Variants in RTRAF observed in about 807,000 individuals in gnomAD.
RTRAF encodes tRNA-splicing ligase complex subunit RTRAF.
Under a neutral mutation model 34.4 loss-of-function variants are expected in RTRAF, and 14 were observed. The observed-to-expected ratio is 0.41, with a 90% CI of 0.27 to 0.64. The LOEUF (loss-of-function observed/expected upper bound fraction) is 0.64. Among genes scored for constraint, RTRAF ranks in the 30% least tolerant of loss-of-function variants. RTRAF has a pLI of 0.34. For synonymous variants in RTRAF, 96 were observed against 95.3 expected (o/e 1.01, Z -0.04); for missense variants, 291 against 288.4 (o/e 1.01, Z -0.06).
chr14:52,001,023 T>C (rs995338181), intron 5 of RTRAF, among the ~76,000 whole-genome samples: 3 of 152,226 alleles, frequency 2.0e-5, no homozygotes, highest in Non-Finnish European at 4.4e-5. Context: ...AACATCTTAG[T>C]ACGTTTGCCA....
intron 2 of RTRAF, among the ~76,000 whole-genome samples, chr14:51,991,776 G>A (rs1357212678): frequency 6.6e-6 from 1 of 152,160 alleles, no homozygotes; most frequent in Non-Finnish European, 1.5e-5. Context: ...TATATTAAAA[G>A]AAGACATTGG....
intron 3 of RTRAF, among the ~76,000 whole-genome samples, chr14:51,996,138 G>A (rs1293170230): frequency 2.0e-5 from 3 of 152,006 alleles, no homozygotes; most frequent in Non-Finnish European, 4.4e-5. Flanking sequence ...TTCTTTTAGT[G>A]AATAAAAGAA....
Position 51,989,842 on chromosome 14 carries a change from G to C in RTRAF, c.61+142G>C, listed in dbSNP as rs1280146945. 3.0e-5 allele frequency: 22 copies of C among 737,064 alleles called. No individual in the cohort carries two copies. The South Asian group carries it at 3.7e-4, about 12-fold the overall frequency. The allele number at this position is 737,064 out of a possible 1,614,324, so 45.7% of individuals were successfully genotyped here. On this transcript the variant is annotated intron_variant, in intron 1 of 7. Coordinates refer to ENST00000261700, the MANE Select transcript of RTRAF (RefSeq NM_016039.3). ...CCTCCGGGCCCCTCTCCTCTGGGTCGCCACGTACCTCGGCTCTTCGCCGCC... is the reference window on the plus strand; with the variant it reads ...CCTCCGGGCCCCTCTCCTCTGGGTCCCCACGTACCTCGGCTCTTCGCCGCC...
At position 52,006,572 on chromosome 14, in the gene RTRAF, GC is replaced by G; in HGVS notation, c.*2057del. 5.6e-6 allele frequency: 9 copies of G among 1,613,846 alleles called. No homozygotes were observed. Among genetic ancestry groups the G allele is most frequent in the Non-Finnish European group, 7.6e-6 (9 of 1,179,770 alleles). ...CTGTGTGGTAGAAGTGATCTGCATA[GC>G]TTACGATGCTGAAGGGGTACTTGAG... is the stretch of plus-strand genomic sequence containing the variant. On this transcript the variant is annotated 3_prime_UTR_variant, in exon 8 of 8. Coordinates refer to ENST00000261700, the MANE Select transcript of RTRAF (RefSeq NM_016039.3).
Position 51,991,417 on chromosome 14 carries a change from C to T in RTRAF, c.162C>T (p.Ser54=), listed in dbSNP as rs746660717. 19 of 1,612,970 alleles carry T rather than the reference C, an allele frequency of 1.2e-5. No homozygotes were observed. In the Admixed American group the frequency reaches 2.0e-4, roughly 17 times the overall value. The change falls in exon 2 of 8, where the codon AGC becomes AGT. Residue 54 remains serine, a synonymous_variant. Transcript: ENST00000261700. ...DRGNLRNIHS[S]DWPKFFEKYL... is the part of the protein sequence containing the mutation. The stretch of plus-strand genomic sequence containing the variant: ...GGAATTTAAGAAACATCCACAGCAG[C>T]GACTGGCCCAAGTTCTTTGAAAAGG...
intron 2 of RTRAF, among the ~76,000 whole-genome samples, chr14:51,992,320 T>A (rs1450936820): frequency 6.6e-6 from 1 of 152,262 alleles, no homozygotes; most frequent in East Asian, 1.9e-4. Flanking sequence ...GCGAGAGCAG[T>A]GTGATTAGGC....
chr14:51,991,091 C>G (rs1890426960), intron 1 of RTRAF, among the ~76,000 whole-genome samples: 1 of 152,174 alleles, frequency 6.6e-6, no homozygotes, highest in Non-Finnish European at 1.5e-5. Flanking sequence ...GTGATTATCC[C>G]AAGTTCACAC....
Position 52,007,580 on chromosome 14 carries a change from T to C in RTRAF, c.*3064T>C. 1 of 501,746 alleles carries C rather than the reference T, an allele frequency of 2.0e-6. No individual in the cohort carries two copies. Among genetic ancestry groups the C allele is most frequent in the Non-Finnish European group, 3.5e-6 (1 of 285,426 alleles). The allele number at this position is 501,746 out of a possible 1,614,324, so 31.1% of individuals were successfully genotyped here. A position where few individuals can be genotyped will look rare whatever the true frequency, so the allele number is the denominator to read the frequency against. ...TTAAAAATATGCCAGGCACTCATGG[T>C]CAGGCAAGCAGTACAAACTTACTGC... On this transcript the variant is annotated 3_prime_UTR_variant, in exon 8 of 8. Transcript: ENST00000261700.
chr14:51,996,135 A>G (rs1405292628), intron 3 of RTRAF, among the ~76,000 whole-genome samples: 1 of 152,116 alleles, frequency 6.6e-6, no homozygotes, highest in Non-Finnish European at 1.5e-5. Flanking sequence ...ATGTTCTTTT[A>G]GTGAATAAAA....
rs1476285 is a variant in RTRAF at position 52,006,468 on chromosome 14, G to T, written c.*1952G>T. ...GAGTCAAGTCAGGTACTGACTTTTG[G>T]TAAAACAAGTGGTGTGTCCTCTGGA... is the stretch of plus-strand genomic sequence containing the variant. On this transcript the variant is annotated 3_prime_UTR_variant, in exon 8 of 8. Transcript: ENST00000261700. 4.2e-3 allele frequency: 6,674 copies of T among 1,581,012 alleles called. 226 individuals carry two copies. The African/African-American group carries it at 0.079, about 19-fold the overall frequency.
In RTRAF at chr14:52,008,621, T is replaced by G. The variant is rs1223996949; in HGVS notation, c.*4105T>G. The G allele has an allele frequency of 6.6e-6, 1 of 152,230 alleles. No homozygotes were observed. The highest frequency in any genetic ancestry group is 1.5e-5 in the Non-Finnish European group (1 of 68,052). The allele number at this position is 152,230 out of a possible 1,614,324, so 9.4% of individuals were successfully genotyped here. A position where few individuals can be genotyped will look rare whatever the true frequency, so the allele number is the denominator to read the frequency against. ...CTATGTGGGAGAAGTCATTACTAAG[T>G]TACTATCAGAATCCCTGCCTCCAAG... On this transcript the variant is annotated 3_prime_UTR_variant, in exon 8 of 8. Coordinates refer to ENST00000261700, the MANE Select transcript of RTRAF (RefSeq NM_016039.3).
Position 52,005,771 on chromosome 14 carries a change from G to A in RTRAF, c.*1255G>A, listed in dbSNP as rs201989906. 5.5e-5 allele frequency: 89 copies of A among 1,613,672 alleles called. No homozygotes were observed. The highest frequency in any genetic ancestry group is 1.6e-4 in the Middle Eastern group (1 of 6,084). On this transcript the variant is annotated 3_prime_UTR_variant, in exon 8 of 8. Transcript: ENST00000261700. The stretch of plus-strand genomic sequence containing the variant: ...AGTAGGGGTAGACTGCAGTTATCCC[G>A]TAGAGGTGAGATCGTTGTTCTGGGA...
chr14:51,990,451 T>C (rs1890414704), intron 1 of RTRAF, among the ~76,000 whole-genome samples: 2 of 152,250 alleles, frequency 1.3e-5, no homozygotes, highest in South Asian at 4.1e-4. Flanking sequence ...TGATCAAGTA[T>C]AACTTGTGAT....
At position 52,005,820 on chromosome 14, in the gene RTRAF, C is replaced by T; in HGVS notation, c.*1304C>T. 6.2e-7 allele frequency: 1 copy of T among 1,613,416 alleles called. No homozygotes were observed. The highest frequency in any genetic ancestry group is 8.5e-7 in the Non-Finnish European group (1 of 1,179,426). On this transcript the variant is annotated 3_prime_UTR_variant, in exon 8 of 8. Coordinates refer to ENST00000261700, the MANE Select transcript of RTRAF (RefSeq NM_016039.3). The stretch of plus-strand genomic sequence containing the variant: ...GAGATACTCATCAGTAAACTGGCCA[C>T]TATGTTTATTTACTGATACAACACC...
At position 52,007,627 on chromosome 14, in the gene RTRAF, C is replaced by T. The variant is rs1416071468; in HGVS notation, c.*3111C>T. 1.6e-6 allele frequency: 1 copy of T among 621,484 alleles called. No individual in the cohort carries two copies. The highest frequency in any genetic ancestry group is 2.8e-6 in the Non-Finnish European group (1 of 355,958). 38.5% of individuals were successfully genotyped at this position (621,484 alleles called of 1,614,324 possible). On this transcript the variant is annotated 3_prime_UTR_variant, in exon 8 of 8. Coordinates refer to ENST00000261700, the MANE Select transcript of RTRAF (RefSeq NM_016039.3). The stretch of plus-strand genomic sequence containing the variant: ...CTGCTTGATATATCCTTCCCTCCAC[C>T]CAAACCCCAGAAAGTTCATTTTAAG...
chr14:51,997,860 A>C lies in RTRAF; in HGVS notation c.287-634A>C, dbSNP rs967074665. 5 of 151,872 alleles carry C rather than the reference A, an allele frequency of 3.3e-5. No homozygotes were observed. The East Asian group carries it at 9.6e-4, about 29-fold the overall frequency. 9.4% of individuals were successfully genotyped at this position (151,872 alleles called of 1,614,324 possible). Reference sequence around the variant, plus strand: ...AACCCTCCTCCCATTCTTCTACCCCAGATTTCAGAGGAAGCTGTAAAAGCA... The same window carrying C: ...AACCCTCCTCCCATTCTTCTACCCCCGATTTCAGAGGAAGCTGTAAAAGCA... On this transcript the variant is annotated intron_variant, in intron 3 of 7. Transcript: ENST00000261700.
chr14:51,996,852 T>G (rs1890529176), intron 3 of RTRAF, among the ~76,000 whole-genome samples: 1 of 152,048 alleles, frequency 6.6e-6, no homozygotes, highest in African/African-American at 2.4e-5. Context: ...TGCACCGCAT[T>G]AGTTGTTACA....
chr14:51,993,184 T>C (rs1300325404), intron 2 of RTRAF, among the ~76,000 whole-genome samples: 3 of 152,162 alleles, frequency 2.0e-5, no homozygotes, highest in African/African-American at 7.2e-5. Context: ...TATAATCTTA[T>C]ATTACATATA....
intron 5 of RTRAF, among the ~76,000 whole-genome samples, chr14:52,000,541 T>C (rs946689064): frequency 1.3e-5 from 2 of 152,158 alleles, no homozygotes; most frequent in African/African-American, 4.8e-5. Flanking sequence ...GTAAACTACT[T>C]TGTGATAAAT....
Sources: allele counts gnomAD v4.1 joint callset (sites outside exome capture counted in the v4.1 genomes callset), GRCh38; gene constraint gnomAD v4.1.1; transcripts MANE v1.5; gene names NCBI Gene and HGNC (gene_info 2026-07-23, HGNC 2026-07-21).